Variants in RASAL2 observed in about 807,000 individuals in gnomAD.
RASAL2 encodes RAS protein activator like 2.
RASAL2 carries 58 observed loss-of-function variants against 128.9 expected under a neutral mutation model. The observed-to-expected ratio is 0.45, with a 90% confidence interval of 0.36 to 0.56. The LOEUF is 0.56. Among genes scored for constraint, RASAL2 ranks in the 20% least tolerant of loss-of-function variants. The probability of loss-of-function intolerance (pLI) is 0.00; values close to 1 mark genes in which losing one functional copy is unlikely to be tolerated. For missense variants in RASAL2, 1,360 were observed against 1,601.6 expected, an observed-to-expected ratio of 0.85 and a Z score of 2.57; for synonymous variants, 561 against 580.8, an observed-to-expected ratio of 0.97 and a Z score of 0.49.
intron 1 of RASAL2, among the ~76,000 whole-genome samples, chr1:178,262,558 A>T (rs1021838628): frequency 5.9e-5 from 9 of 152,196 alleles, no homozygotes; most frequent in Non-Finnish European, 1.3e-4. Context: ...TCACCCATCA[A>T]ATTTGTCATT....
chr1:178,108,086 G>A (rs769075855), intron 1 of RASAL2, among the ~76,000 whole-genome samples: 1 of 152,104 alleles, frequency 6.6e-6, no homozygotes, highest in Non-Finnish European at 1.5e-5. Context: ...ATGCACGAGG[G>A]TTCCAGTTAC....
intron 1 of RASAL2, among the ~76,000 whole-genome samples, chr1:178,116,879 G>C (rs754949917): frequency 1.3e-5 from 2 of 152,080 alleles, no homozygotes; most frequent in Non-Finnish European, 2.9e-5. Context: ...CAAAGTGCTG[G>C]GATTACCCAC....
intron 3 of RASAL2, among the ~76,000 whole-genome samples, chr1:178,356,742 A>G (rs1460162290): frequency 2.0e-5 from 3 of 152,184 alleles, no homozygotes; most frequent in Admixed American, 6.5e-5. Flanking sequence ...TGGGATCAGG[A>G]TGGAGTATTT....
At position 178,451,602 on chromosome 1, in the gene RASAL2, T is replaced by C. The variant is rs2102884158; in HGVS notation, c.1659T>C (p.Asp553=). 1.2e-6 allele frequency: 2 copies of C among 1,613,244 alleles called. No homozygotes were observed. The highest frequency in any genetic ancestry group is 1.1e-5 in the South Asian group (1 of 91,046). ...TTATCAAAGCTTTGTATGAGTCCGA[T>C]GAGAACTGTGAAGTGGATCCCAGCA... The part of the protein sequence containing the change: ...GEFIKALYES[D]ENCEVDPSKC... Residue 553 remains aspartate, a synonymous_variant, in exon 10 of 18, where the codon GAT becomes GAC. Transcript: ENST00000367649.
chr1:178,243,602 CAAAA>C (rs3041601), intron 1 of RASAL2, among the ~76,000 whole-genome samples: 1 of 121,876 alleles, frequency 8.2e-6, no homozygotes, highest in African/African-American at 2.9e-5. Context: ...TTGTTGTTAT[CAAAA>C]AAAAAAAAAA....
intron 1 of RASAL2, among the ~76,000 whole-genome samples, chr1:178,224,036 C>G (rs1663705954): frequency 6.6e-6 from 1 of 152,078 alleles, no homozygotes; most frequent in South Asian, 2.1e-4. Context: ...TCAAAGAAGA[C>G]AAAGTATGAA....
chr1:178,341,372 T>C (rs2102404349), intron 3 of RASAL2: 1 of 1,324,650 alleles, frequency 7.5e-7, no homozygotes, highest in Non-Finnish European at 9.7e-7. Flanking sequence ...TGTTTAGTGC[T>C]CTCTAGCAAA....
chr1:178,350,495 A>G (rs1473233854), intron 3 of RASAL2, among the ~76,000 whole-genome samples: 1 of 152,102 alleles, frequency 6.6e-6, no homozygotes, highest in African/African-American at 2.4e-5. Context: ...TGACCTCCCA[A>G]AGTGCTGGGA....
intron 1 of RASAL2, among the ~76,000 whole-genome samples, chr1:178,200,582 G>A (rs1295800495): frequency 6.6e-6 from 1 of 152,174 alleles, no homozygotes; most frequent in Non-Finnish European, 1.5e-5. Flanking sequence ...GTGATTGAGA[G>A]TCTTATCTCC....
rs146051604 is a variant in RASAL2 at position 178,178,858 on chromosome 1, C to T, written c.202+84164C>T. Among the ~76,000 whole-genome samples, 5 of 152,232 alleles carry T rather than the reference C, an allele frequency of 3.3e-5. No homozygotes were observed. The East Asian group carries it at 5.8e-4, about 18-fold the overall frequency. On this transcript the variant is annotated intron_variant, in intron 1 of 17. Coordinates refer to ENST00000367649, the MANE Select transcript of RASAL2 (RefSeq NM_170692.4). ...TTTAAAAATCCTAAAGGACCCGGCA[C>T]CTCTACTAAAGTTCAATTGCTTTAT...
At chr1:178,242,190 C>T (rs1001974680) in intron 1 of RASAL2, among the ~76,000 whole-genome samples, 1 of 152,090 alleles carries the variant, frequency 6.6e-6, no homozygotes, top group Non-Finnish European at 1.5e-5. Context: ...CCTCTGCCTT[C>T]CCCACTTTTA....
At chr1:178,442,638 G>A (rs979149213) in intron 7 of RASAL2, 37 bp from the exon 8 acceptor site, 18 of 1,533,486 alleles carry the variant, frequency 1.2e-5, no homozygotes, top group Non-Finnish European at 1.5e-5. Context: ...TTTCTGCAAT[G>A]TCAGCTCTGA....
At chr1:178,113,515 T>A (rs1231846503) in intron 1 of RASAL2, among the ~76,000 whole-genome samples, 5 of 17,162 alleles carry the variant, frequency 2.9e-4, no homozygotes, top group Non-Finnish European at 1.0e-3. Flanking sequence ...CCTGCGAGTG[T>A]GTGTGTGTGT....
chr1:178,113,959 T>G (rs1659435694), intron 1 of RASAL2, among the ~76,000 whole-genome samples: 1 of 152,224 alleles, frequency 6.6e-6, no homozygotes. Flanking sequence ...TTTAAATTTT[T>G]AAATTTCCAA....
chr1:178,234,760 A>T (rs573589961), intron 1 of RASAL2, among the ~76,000 whole-genome samples: 2 of 152,258 alleles, frequency 1.3e-5, no homozygotes, highest in South Asian at 4.1e-4. Context: ...TCAGCCTCTC[A>T]TTATTAGGAG....
chr1:178,176,899 C>A (rs1304358831), intron 1 of RASAL2, among the ~76,000 whole-genome samples: 2 of 151,996 alleles, frequency 1.3e-5, no homozygotes, highest in African/African-American at 4.8e-5. Flanking sequence ...ATCCTCCCAC[C>A]ACAGCCTCCC....
intron 1 of RASAL2, among the ~76,000 whole-genome samples, chr1:178,273,417 A>G (rs1158062784): frequency 1.3e-5 from 2 of 152,164 alleles, no homozygotes; most frequent in African/African-American, 4.8e-5. Flanking sequence ...TTAACAAATT[A>G]TTGTTTATTT....
At chr1:178,132,082 T>C (rs550600640) in intron 1 of RASAL2, among the ~76,000 whole-genome samples, 26 of 152,076 alleles carry the variant, frequency 1.7e-4, no homozygotes, top group African/African-American at 6.0e-4. Flanking sequence ...TCTTTTTCCT[T>C]CTCTTAGAGT....
intron 1 of RASAL2, among the ~76,000 whole-genome samples, chr1:178,160,606 G>T (rs1253510084): frequency 6.6e-6 from 1 of 152,212 alleles, no homozygotes; most frequent in African/African-American, 2.4e-5. Flanking sequence ...CTGCACTCCA[G>T]CCTGGACTAC....
Sources: allele counts gnomAD v4.1 joint callset (sites outside exome capture counted in the v4.1 genomes callset), GRCh38; gene constraint gnomAD v4.1.1; transcripts MANE v1.5; gene names NCBI Gene and HGNC (gene_info 2026-07-23, HGNC 2026-07-21).